Variants in SYNE1 observed in about 807,000 individuals in gnomAD.
SYNE1 encodes spectrin repeat containing nuclear envelope protein 1.
In SYNE1, 616 loss-of-function variants were observed where a neutral mutation model predicts 1,111.0. That is an observed-to-expected ratio of 0.55 (90% CI 0.52 to 0.59). The LOEUF is 0.59. Ranked by LOEUF, SYNE1 falls within the 20% of genes least tolerant of loss-of-function variation. SYNE1 has a pLI of 0.00. For synonymous variants in SYNE1, 3,855 were observed against 3,825.8 expected (o/e 1.01, Z -0.28); for missense variants, 10,006 against 10,417.0 (o/e 0.96, Z 1.72).
intron 145 of SYNE1, chr6:152,126,626 A>C (rs1024009701): frequency 6.6e-6 from 1 of 152,188 alleles, no homozygotes; most frequent in Non-Finnish European, 1.5e-5. Flanking sequence ...ATTTTTATTT[A>C]TTTTTCTCAC....
At chr6:152,619,046 TCA>T (rs56677340) in intron 3 of SYNE1, among the ~76,000 whole-genome samples, 31,558 of 135,660 alleles carry the variant, frequency 0.23, 3,753 homozygotes, top group African/African-American at 0.34. Flanking sequence ...GGTGTGAGAA[TCA>T]CACACACACA....
At chr6:152,200,423 CA>C (rs1239674029) in intron 127 of SYNE1, among the ~76,000 whole-genome samples, 1 of 152,110 alleles carries the variant, frequency 6.6e-6, no homozygotes. Flanking sequence ...TATTTTTTTA[CA>C]GACAGGGTCT....
intron 105 of SYNE1, among the ~76,000 whole-genome samples, chr6:152,245,235 T>C (rs1347787989): frequency 6.6e-6 from 1 of 152,206 alleles, no homozygotes; most frequent in Non-Finnish European, 1.5e-5. Context: ...CAAGATCTCA[T>C]CCTGTCCTTC....
chr6:152,306,516 A>AAATG lies in SYNE1; in HGVS notation c.17346+1972_17346+1973insCATT, dbSNP rs529557737. On this transcript the variant is annotated intron_variant, in intron 91 of 145. Transcript: ENST00000367255. ...TAAATAAATAAATAAATAAATAAAT[A>AAATG]AATAAATAAATACCTCATAGAGTTG... 2.0e-5 allele frequency among the ~76,000 whole-genome samples: 3 copies of AAATG among 148,100 alleles called. No homozygotes were observed. The South Asian group carries it at 6.4e-4, about 32-fold the overall frequency.
chr6:152,205,225 T>C (rs1158885593), intron 126 of SYNE1, among the ~76,000 whole-genome samples: 1 of 152,160 alleles, frequency 6.6e-6, no homozygotes, highest in Non-Finnish European at 1.5e-5. Flanking sequence ...CCAAATTTAA[T>C]AGATACCCTC....
intron 91 of SYNE1, among the ~76,000 whole-genome samples, chr6:152,305,230 A>AT (rs1360725412): frequency 2.0e-5 from 3 of 152,118 alleles, no homozygotes; most frequent in Admixed American, 1.3e-4. Context: ...TGGCAGGATG[A>AT]TTTTTTTCAA....
intron 4 of SYNE1, among the ~76,000 whole-genome samples, chr6:152,533,892 C>CT (rs773231467): frequency 3.9e-5 from 6 of 152,104 alleles, no homozygotes; most frequent in African/African-American, 7.2e-5. Context: ...GGCACGGTGG[C>CT]TTACAGCTGT....
At chr6:152,382,608 GAT>G (rs138775386) in intron 55 of SYNE1, among the ~76,000 whole-genome samples, 3,742 of 152,158 alleles carry the variant, frequency 0.025, 141 homozygotes, top group African/African-American at 0.085. Context: ...TCAGCAGCAG[GAT>G]TCTAAAAACC....
intron 8 of SYNE1, 31 bp from the exon 9 acceptor site, chr6:152,505,428 A>G: frequency 1.2e-6 from 2 of 1,610,722 alleles, no homozygotes; most frequent in Non-Finnish European, 1.7e-6. Flanking sequence ...AAATGATGTC[A>G]CATTCTGAAT....
intron 131 of SYNE1, 79 bp downstream of exon 131, chr6:152,164,084 C>G: frequency 6.3e-7 from 1 of 1,590,176 alleles, no homozygotes. Flanking sequence ...CAGGCACCAT[C>G]TCATGCCCAC....
intron 91 of SYNE1, among the ~76,000 whole-genome samples, chr6:152,303,098 CTTTTTTTTT>C (rs71017533): frequency 9.3e-6 from 1 of 107,088 alleles, no homozygotes; most frequent in Non-Finnish European, 1.8e-5. Flanking sequence ...AACTATTATT[CTTTTTTTTT>C]TTTTTTTTTT....
chr6:152,389,391 TC>T (rs2097573705), intron 53 of SYNE1, among the ~76,000 whole-genome samples: 1 of 152,134 alleles, frequency 6.6e-6, no homozygotes, highest in Admixed American at 6.5e-5. Context: ...GTGTCTGTTA[TC>T]CCCTTCTTTG....
At chr6:152,635,988 T>C (rs956523740) in intron 2 of SYNE1, among the ~76,000 whole-genome samples, 1 of 152,214 alleles carries the variant, frequency 6.6e-6, no homozygotes, top group African/African-American at 2.4e-5. Flanking sequence ...TGCCTGCCCG[T>C]TGGGATGCAC....
intron 82 of SYNE1, 77 bp downstream of exon 82, chr6:152,323,401 T>C: frequency 6.3e-7 from 1 of 1,588,052 alleles, no homozygotes; most frequent in East Asian, 2.2e-5. Flanking sequence ...ATCACACATT[T>C]GCACTCCAGC....
chr6:152,446,157 C>T (rs2098588112), intron 29 of SYNE1, among the ~76,000 whole-genome samples: 1 of 128,078 alleles, frequency 7.8e-6, no homozygotes, highest in African/African-American at 3.0e-5. Flanking sequence ...ACAAGCTTGT[C>T]TGTGAATAAC....
At chr6:152,482,960 T>C in intron 14 of SYNE1, 125 bp downstream of exon 14, 1 of 1,073,192 alleles carries the variant, frequency 9.3e-7, no homozygotes, top group Non-Finnish European at 1.4e-6. Flanking sequence ...TAAGAAGGTG[T>C]GACGTCTCCG....
chr6:152,177,607 A>C (rs2066812919), intron 129 of SYNE1, among the ~76,000 whole-genome samples: 1 of 152,172 alleles, frequency 6.6e-6, no homozygotes, highest in Admixed American at 6.5e-5. Flanking sequence ...ACTTTATTCC[A>C]TTCCAGGGCT....
At position 152,430,248 on chromosome 6, in the gene SYNE1, A is replaced by T. The variant is rs761533778; in HGVS notation, c.4690-38T>A. The T allele has an allele frequency of 2.6e-6, 4 of 1,517,564 alleles. No homozygotes were observed. The South Asian group carries it at 4.6e-5, about 18-fold the overall frequency. 94.0% of individuals were successfully genotyped at this position (1,517,564 alleles called of 1,614,324 possible). A position where few individuals can be genotyped will look rare whatever the true frequency, so the allele number is the denominator to read the frequency against. On this transcript the variant is annotated intron_variant, in intron 35 of 145. Coordinates refer to ENST00000367255, the MANE Select transcript of SYNE1 (RefSeq NM_182961.4). Reference sequence around the variant, plus strand: ...TGCAATATAAAAATAACAGTGGGAAAGATACATAGCAAGACAAAAAAAAAA... The same window carrying T: ...TGCAATATAAAAATAACAGTGGGAATGATACATAGCAAGACAAAAAAAAAA...
At chr6:152,277,781 C>A (rs2093752916) in intron 98 of SYNE1, 1 of 447,124 alleles carries the variant, frequency 2.2e-6, no homozygotes, top group African/African-American at 2.0e-5. Flanking sequence ...CAGCAACACT[C>A]CTGGAGTAGC....
Sources: allele counts gnomAD v4.1 joint callset (sites outside exome capture counted in the v4.1 genomes callset), GRCh38; gene constraint gnomAD v4.1.1; transcripts MANE v1.5; gene names NCBI Gene and HGNC (gene_info 2026-07-23, HGNC 2026-07-21).